Variants in PCLO observed in about 807,000 individuals in gnomAD.
PCLO encodes piccolo presynaptic cytomatrix protein, also known as protein piccolo.
PCLO carries 82 observed loss-of-function variants against 427.5 expected under a neutral mutation model. The observed-to-expected ratio is 0.19, with a 90% CI of 0.16 to 0.23. The LOEUF is 0.23. Among genes scored for constraint, PCLO ranks in the 10% least tolerant of loss-of-function variants. The pLI is 1.00. For missense variants in PCLO, 6,239 were observed against 6,115.9 expected (o/e 1.02, Z -0.67); for synonymous variants, 2,357 against 2,155.4 (o/e 1.09, Z -2.59).
intron 9 of PCLO, among the ~76,000 whole-genome samples, chr7:82,888,704 A>G (rs1793685252): frequency 6.6e-6 from 1 of 152,146 alleles, no homozygotes; most frequent in Admixed American, 6.6e-5. Context: ...TTATTTGTCT[A>G]CTGGGCCCAA....
chr7:83,036,732 T>C (rs1788805845), intron 3 of PCLO, among the ~76,000 whole-genome samples: 1 of 152,072 alleles, frequency 6.6e-6, no homozygotes, highest in Non-Finnish European at 1.5e-5. Context: ...TTATTTGGAA[T>C]ATCAACTTTT....
rs571052254 is a variant in PCLO at position 82,908,997 on chromosome 7, A to C, written c.13317T>G (p.Arg4439=). 6.2e-7 allele frequency: 1 copy of C among 1,612,648 alleles called. No homozygotes were observed. Among genetic ancestry groups the C allele is most frequent in the South Asian group, 1.1e-5 (1 of 91,060 alleles). The part of the protein sequence containing the change: ...MSDSEAYHLR[R]EETDWFDKPR... ...GTTTATCAAACCAATCTGTTTCCTCACGACGCAGATGATAGGCTTTGGACA... is the reference window on the plus strand; with the variant it reads ...GTTTATCAAACCAATCTGTTTCCTCCCGACGCAGATGATAGGCTTTGGACA... The change falls in exon 8 of 25, where the codon CGT becomes CGG. Residue 4439 remains arginine, a synonymous_variant. Transcript: ENST00000333891.
rs1795775764 is a variant in PCLO, at chr7:82,966,400, A to ATGG, written c.3385_3387dup (p.Pro1129dup). ...GGCATAGGAGATGCTTTGGGTCCTG[A>ATGG]TGGTGCAGGTGGCATTTTGCGTATG... On this transcript the variant is annotated inframe_insertion, in exon 4 of 25. Coordinates refer to ENST00000333891, the MANE Select transcript of PCLO (RefSeq NM_033026.6). 1.2e-6 allele frequency: 2 copies of ATGG among 1,613,660 alleles called. No individual in the cohort carries two copies. The highest frequency in any genetic ancestry group is 1.3e-5 in the African/African-American group (1 of 74,886).
At chr7:83,005,035 G>T (rs946077997) in intron 3 of PCLO, among the ~76,000 whole-genome samples, 1 of 150,992 alleles carries the variant, frequency 6.6e-6, no homozygotes, top group Non-Finnish European at 1.5e-5. Context: ...GTGTTGGAAA[G>T]GGTAGGAAGA....
intron 9 of PCLO, among the ~76,000 whole-genome samples, chr7:82,896,074 T>C (rs2116153880): frequency 6.6e-6 from 1 of 151,878 alleles, no homozygotes; most frequent in East Asian, 1.9e-4. Context: ...TCATGAAAAA[T>C]TGCTGGCAAG....
chr7:82,806,822 C>G (rs967717013), intron 20 of PCLO, among the ~76,000 whole-genome samples: 1 of 152,136 alleles, frequency 6.6e-6, no homozygotes, highest in Non-Finnish European at 1.5e-5. Context: ...ATGTAGGAGC[C>G]CAGTAACTTA....
At chr7:82,949,017 C>A (rs896157865) in intron 6 of PCLO, among the ~76,000 whole-genome samples, 1 of 152,128 alleles carries the variant, frequency 6.6e-6, no homozygotes, top group Admixed American at 6.5e-5. Context: ...AGGGCTTTCC[C>A]ACTAAACATC....
intron 21 of PCLO, among the ~76,000 whole-genome samples, chr7:82,804,559 GA>G (rs1791421171): frequency 6.6e-6 from 1 of 152,106 alleles, no homozygotes; most frequent in African/African-American, 2.4e-5. Context: ...TGGAGAAAAT[GA>G]AAAAGACCCT....
At chr7:82,936,031 C>A (rs780727981) in intron 6 of PCLO, among the ~76,000 whole-genome samples, 1 of 151,572 alleles carries the variant, frequency 6.6e-6, no homozygotes, top group Non-Finnish European at 1.5e-5. Flanking sequence ...AAATGAAGAT[C>A]CACTAGGAAA....
At chr7:82,869,737 CTA>C (rs1793184463) in intron 10 of PCLO, among the ~76,000 whole-genome samples, 1 of 151,806 alleles carries the variant, frequency 6.6e-6, no homozygotes, top group African/African-American at 2.4e-5. Flanking sequence ...TAATAATACA[CTA>C]TTCAAAAAAT....
intron 9 of PCLO, among the ~76,000 whole-genome samples, chr7:82,888,792 A>G (rs1225848692): frequency 6.6e-6 from 1 of 152,166 alleles, no homozygotes; most frequent in Non-Finnish European, 1.5e-5. Flanking sequence ...AACAAACAAA[A>G]TAAAAATAAT....
At chr7:82,828,503 A>AT (rs1279911003) in intron 16 of PCLO, among the ~76,000 whole-genome samples, 1 of 152,174 alleles carries the variant, frequency 6.6e-6, no homozygotes, top group Non-Finnish European at 1.5e-5. Context: ...TTATAAAGCA[A>AT]TTTTAATTAA....
intron 15 of PCLO, among the ~76,000 whole-genome samples, chr7:82,837,516 T>G (rs1584030554): frequency 1.3e-5 from 2 of 152,156 alleles, no homozygotes; most frequent in Admixed American, 1.3e-4. Flanking sequence ...TAATAATTTG[T>G]AGGGTTCAAA....
At chr7:82,851,759 C>T (rs1307044968) in intron 10 of PCLO, among the ~76,000 whole-genome samples, 6 of 152,096 alleles carry the variant, frequency 3.9e-5, no homozygotes, top group Admixed American at 6.6e-5. Flanking sequence ...TTCTATAAAG[C>T]GCTAGCAGCA....
chr7:83,153,245 A>G (rs1176217150), intron 2 of PCLO, among the ~76,000 whole-genome samples: 1 of 150,842 alleles, frequency 6.6e-6, no homozygotes, highest in Non-Finnish European at 1.5e-5. Context: ...GTATATATAT[A>G]AACTACTTAT....
intron 22 of PCLO, among the ~76,000 whole-genome samples, chr7:82,776,771 G>C (rs1790759673): frequency 6.6e-6 from 1 of 151,922 alleles, no homozygotes. Context: ...CTCTAGCCTG[G>C]AAGACACAGC....
intron 6 of PCLO, among the ~76,000 whole-genome samples, chr7:82,932,147 TAGG>T (rs1794854605): frequency 6.6e-6 from 1 of 152,052 alleles, no homozygotes; most frequent in Non-Finnish European, 1.5e-5. Flanking sequence ...TTAAACCTTG[TAGG>T]AGGAGGGTTT....
At chr7:83,072,685 A>G (rs1789849868) in intron 3 of PCLO, among the ~76,000 whole-genome samples, 1 of 152,038 alleles carries the variant, frequency 6.6e-6, no homozygotes, top group Non-Finnish European at 1.5e-5. Flanking sequence ...GCATTTTATA[A>G]GTCTCAGATA....
chr7:82,905,256 G>T (rs912579643), intron 8 of PCLO, among the ~76,000 whole-genome samples: 2 of 152,014 alleles, frequency 1.3e-5, no homozygotes, highest in Non-Finnish European at 2.9e-5. Context: ...ATATTTCAAA[G>T]AGTTATTTTC....
Sources: gnomAD v4.1 joint callset for allele counts (sites outside exome capture counted in the v4.1 genomes callset) on GRCh38, gnomAD v4.1.1 for gene constraint, MANE v1.5 for transcripts, NCBI Gene and HGNC (gene_info 2026-07-23, HGNC 2026-07-21) for gene names.